The following AGMO variants were observed in gnomAD, a reference collection of about 807,000 sequenced individuals.
AGMO encodes the protein glyceryl-ether monooxygenase.
In AGMO, 75 loss-of-function variants were observed where a neutral mutation model predicts 60.2. The ratio of observed to expected loss-of-function variants is 1.25; its 90% CI spans 1.03 to 1.51. The LOEUF (loss-of-function observed/expected upper bound fraction) is 1.51. Ranked by LOEUF, AGMO falls within the 40% of genes most tolerant of loss-of-function variation. The pLI, the probability that AGMO is intolerant of heterozygous loss-of-function variation, is 0.00. For missense variants in AGMO, 763 were observed against 525.5 expected, an observed-to-expected ratio of 1.45 and a Z score of -4.42; for synonymous variants, 261 against 177.1, an observed-to-expected ratio of 1.47 and a Z score of -3.76.
In AGMO at chr7:15,351,972, C is replaced by T. The variant is rs141677550; in HGVS notation, c.1263+13542G>A. Among the ~76,000 whole-genome samples the T allele has an allele frequency of 8.5e-5, 13 of 152,304 alleles. No individual in the cohort carries two copies. In the East Asian group the frequency reaches 2.5e-3, roughly 29 times the overall value. ...CCTAATAAAGCCCAGATAGCATTTA[C>T]ATTAGAATCTGCAAATAAATAGCTT... is the stretch of plus-strand genomic sequence containing the variant. On this transcript the variant is annotated intron_variant, in intron 12 of 12. Transcript: ENST00000342526.
intron 3 of AGMO, among the ~76,000 whole-genome samples, chr7:15,469,777 T>C (rs145432825): frequency 1.3e-3 from 200 of 152,216 alleles, no homozygotes; most frequent in African/African-American, 4.7e-3. Context: ...GAAGTTTCCA[T>C]CTTAACACAA....
intron 12 of AGMO, among the ~76,000 whole-genome samples, chr7:15,223,950 G>C (rs959471018): frequency 6.6e-6 from 1 of 151,906 alleles, no homozygotes; most frequent in Admixed American, 6.6e-5. Flanking sequence ...AAACAAACTT[G>C]GCTGGAGGCT....
intron 12 of AGMO, among the ~76,000 whole-genome samples, chr7:15,273,632 A>G (rs997700440): frequency 6.6e-6 from 1 of 152,170 alleles, no homozygotes; most frequent in Admixed American, 6.6e-5. Context: ...TATGAACTTT[A>G]AAGTAGTTTT....
intron 12 of AGMO, among the ~76,000 whole-genome samples, chr7:15,304,706 A>C (rs1332270680): frequency 6.6e-6 from 1 of 152,074 alleles, no homozygotes; most frequent in East Asian, 1.9e-4. Flanking sequence ...ATAAACCGAC[A>C]TATTTATTTT....
chr7:15,493,350 C>CAA (rs1783121928), intron 3 of AGMO, among the ~76,000 whole-genome samples: 1 of 87,344 alleles, frequency 1.1e-5, no homozygotes, highest in African/African-American at 4.2e-5. Context: ...CACACACACA[C>CAA]ACACACACAC....
chr7:15,319,114 T>C (rs1781029215), intron 12 of AGMO, among the ~76,000 whole-genome samples: 3 of 152,188 alleles, frequency 2.0e-5, no homozygotes, highest in Non-Finnish European at 4.4e-5. Context: ...TTTCTATTTT[T>C]CAAGAAGTTG....
chr7:15,531,336 C>CTA lies in AGMO; in HGVS notation c.409+13434_409+13435dup, dbSNP rs1173049505. On this transcript the variant is annotated intron_variant, in intron 3 of 12. Coordinates refer to ENST00000342526, the MANE Select transcript of AGMO (RefSeq NM_001004320.2). ...TCTATACATATATTCTATATATATT[C>CTA]TATATATATTCTATATATATTCTAT... 2.1e-3 allele frequency among the ~76,000 whole-genome samples: 174 copies of CTA among 82,686 alleles called. 3 individuals are homozygous for CTA. The highest frequency in any genetic ancestry group is 0.01 in the African/African-American group (161 of 15,906). 54.2% of individuals were successfully genotyped at this position (82,686 alleles called of 152,430 possible).
intron 3 of AGMO, among the ~76,000 whole-genome samples, chr7:15,543,663 G>A (rs1784690874): frequency 6.6e-6 from 1 of 151,978 alleles, no homozygotes; most frequent in Non-Finnish European, 1.5e-5. Context: ...TACGTTTTTA[G>A]ACTCTATCAA....
the AGMO span, among the ~76,000 whole-genome samples, chr7:15,133,139 T>C: frequency 2.0e-5 from 3 of 152,182 alleles, no homozygotes; most frequent in Non-Finnish European, 4.4e-5. Context: ...ATTTAGCTTT[T>C]TGAGAAGGTT....
chr7:15,189,093 C>G, the AGMO span, among the ~76,000 whole-genome samples: 1 of 151,886 alleles, frequency 6.6e-6, no homozygotes, highest in African/African-American at 2.4e-5. Flanking sequence ...TTTGAAGGAT[C>G]CTAGAAAGAG....
chr7:15,192,049 T>G, the AGMO span, among the ~76,000 whole-genome samples: 2 of 151,880 alleles, frequency 1.3e-5, no homozygotes, highest in Non-Finnish European at 2.9e-5. Flanking sequence ...TGTTGGCAAA[T>G]TTATACAATA....
At chr7:15,457,944 G>A (rs1191265585) in intron 3 of AGMO, among the ~76,000 whole-genome samples, 4 of 152,084 alleles carry the variant, frequency 2.6e-5, no homozygotes, top group African/African-American at 9.7e-5. Flanking sequence ...ATTATATGAT[G>A]AAATAAAATG....
chr7:15,288,574 T>C (rs186647226), intron 12 of AGMO, among the ~76,000 whole-genome samples: 1 of 152,208 alleles, frequency 6.6e-6, no homozygotes, highest in Admixed American at 6.5e-5. Context: ...ACATATTTAC[T>C]CACTAAAGAA....
At chr7:15,266,431 G>T (rs149815210) in intron 12 of AGMO, among the ~76,000 whole-genome samples, 13 of 151,952 alleles carry the variant, frequency 8.6e-5, no homozygotes, top group Admixed American at 4.6e-4. Flanking sequence ...AACTTCAAAG[G>T]GCTCATGTGA....
chr7:15,309,335 A>C (rs1395746324), intron 12 of AGMO, among the ~76,000 whole-genome samples: 4 of 152,200 alleles, frequency 2.6e-5, no homozygotes, highest in Non-Finnish European at 4.4e-5. Flanking sequence ...AATAAAAAAG[A>C]TGATCAGCAG....
At chr7:15,297,110 C>T (rs1402381767) in intron 12 of AGMO, among the ~76,000 whole-genome samples, 2 of 152,032 alleles carry the variant, frequency 1.3e-5, no homozygotes, top group Non-Finnish European at 2.9e-5. Context: ...AATATTTGCT[C>T]AACAAATACC....
the AGMO span, among the ~76,000 whole-genome samples, chr7:15,157,351 C>T: frequency 6.6e-6 from 1 of 152,096 alleles, no homozygotes; most frequent in Admixed American, 6.6e-5. Flanking sequence ...GTTAACACAA[C>T]TGTGATCAGC....
intron 12 of AGMO, among the ~76,000 whole-genome samples, chr7:15,297,049 CTCTG>C (rs1784424685): frequency 1.4e-5 from 2 of 145,746 alleles, no homozygotes; most frequent in South Asian, 2.2e-4. Context: ...AGCCATCTCT[CTCTG>C]TCTCTCTCTC....
chr7:15,550,388 T>G (rs1784915666), intron 2 of AGMO, among the ~76,000 whole-genome samples: 1 of 152,062 alleles, frequency 6.6e-6, no homozygotes, highest in Non-Finnish European at 1.5e-5. Flanking sequence ...GCTGGTTTTT[T>G]GAAAGGATCA....
Sources: allele counts gnomAD v4.1 joint callset (sites outside exome capture counted in the v4.1 genomes callset), GRCh38; gene constraint gnomAD v4.1.1; transcripts MANE v1.5; gene names NCBI Gene and HGNC (gene_info 2026-07-23, HGNC 2026-07-21).